OVGP1: variants seen among roughly 807,000 people sequenced by gnomAD.
OVGP1 encodes oviductal glycoprotein 1.
Under a neutral mutation model 48.2 loss-of-function variants are expected in OVGP1, and 26 were observed. That is an observed-to-expected ratio of 0.54 (90% CI 0.40 to 0.75). The LOEUF is 0.75. Among genes scored for constraint, OVGP1 ranks in the 30% least tolerant of loss-of-function variants. OVGP1 has a pLI of 0.00. For missense variants in OVGP1, 791 were observed against 820.6 expected, an observed-to-expected ratio of 0.96 and a Z score of 0.44; for synonymous variants, 294 against 305.7, an observed-to-expected ratio of 0.96 and a Z score of 0.40.
chr1:111,423,087 C>T (rs1349129218), intron 5 of OVGP1, 36 bp from the exon 6 acceptor site: 2 of 1,612,642 alleles, frequency 1.2e-6, no homozygotes, highest in South Asian at 2.2e-5. Flanking sequence ...GAGAACTGGA[C>T]AAACAGAGAG....
chr1:111,426,735 A>C, intron 2 of OVGP1, 94 bp from the exon 3 acceptor site: 1 of 1,553,654 alleles, frequency 6.4e-7, no homozygotes, highest in Non-Finnish European at 8.7e-7. Context: ...CCAAGAGACC[A>C]GGCCACATTT....
intron 6 of OVGP1, among the ~76,000 whole-genome samples, chr1:111,421,903 T>C (rs1557783840): frequency 6.6e-6 from 1 of 152,144 alleles, no homozygotes; most frequent in Non-Finnish European, 1.5e-5. Flanking sequence ...CCTGTGGAGG[T>C]AGGCAGGAGT....
In OVGP1 at chr1:111,422,961, C is replaced by G. The variant is rs772291987; in HGVS notation, c.574G>C (p.Val192Leu). ...AAGCGCACATCATAGGATGTTTGGACGATGTGTGGGACCCCAGAAACAGCA... is the reference window on the plus strand; with the variant it reads ...AAGCGCACATCATAGGATGTTTGGAGGATGTGTGGGACCCCAGAAACAGCA... ...SAAVSGVPHI[V>L]QTSYDVRFLG... The change falls in exon 6 of 11, where the codon GTC (valine) becomes CTC (leucine). Residue 192 changes from valine (V) to leucine (L), a missense_variant. Coordinates refer to ENST00000369732, the MANE Select transcript of OVGP1 (RefSeq NM_002557.4). 6.2e-7 allele frequency: 1 copy of G among 1,614,136 alleles called. No individual in the cohort carries two copies. Among genetic ancestry groups the G allele is most frequent in the East Asian group, 2.2e-5 (1 of 44,888 alleles).
At chr1:111,421,200 CCCCT>C in intron 8 of OVGP1, 72 bp downstream of exon 8, 1 of 1,381,490 alleles carries the variant, frequency 7.2e-7, no homozygotes, top group African/African-American at 1.4e-5. Context: ...CTTGCCATTG[CCCCT>C]TGTCCTGGCC....
intron 10 of OVGP1, 107 bp downstream of exon 10, chr1:111,416,216 C>T (rs923437205): frequency 8.1e-7 from 1 of 1,236,760 alleles, no homozygotes; most frequent in Non-Finnish European, 1.1e-6. Flanking sequence ...TTTCTCTCCC[C>T]TCAATGTCAT....
intron 4 of OVGP1, among the ~76,000 whole-genome samples, chr1:111,424,253 G>C (rs1652345182): frequency 6.6e-6 from 1 of 152,210 alleles, no homozygotes; most frequent in Admixed American, 6.5e-5. Flanking sequence ...CTGATAACGG[G>C]ATCCTGATCC....
intron 4 of OVGP1, 96 bp from the exon 5 acceptor site, chr1:111,423,804 G>A: frequency 1.3e-5 from 15 of 1,170,992 alleles, no homozygotes; most frequent in Non-Finnish European, 1.6e-5. Flanking sequence ...TGGTGGGCCT[G>A]GCAGATGTGG....
intron 9 of OVGP1, among the ~76,000 whole-genome samples, chr1:111,417,361 T>A (rs4838910): frequency 2.0e-5 from 3 of 152,048 alleles, no homozygotes; most frequent in Admixed American, 2.0e-4. Flanking sequence ...TACAACTAAA[T>A]GGCAGAGCTT....
chr1:111,423,495 T>C (rs777906603), intron 5 of OVGP1, 48 bp downstream of exon 5: 13 of 1,593,754 alleles, frequency 8.2e-6, no homozygotes, highest in Middle Eastern at 3.3e-4. Context: ...CCTAGATATA[T>C]AAAAGTAGAA....
chr1:111,415,845 G>T (rs1265356418), intron 10 of OVGP1, among the ~76,000 whole-genome samples: 1 of 152,130 alleles, frequency 6.6e-6, no homozygotes, highest in East Asian at 1.9e-4. Context: ...ACCTGACTGA[G>T]CTCCAGTCGC....
intron 9 of OVGP1, among the ~76,000 whole-genome samples, chr1:111,419,291 T>C (rs1652204907): frequency 6.6e-6 from 1 of 152,188 alleles, no homozygotes; most frequent in Non-Finnish European, 1.5e-5. Context: ...CTACTTTGTG[T>C]TGGTATTTAT....
Position 111,419,738 on chromosome 1 carries a change from AC to A in OVGP1, c.904-13del. 1 of 1,537,070 alleles carries A rather than the reference AC, an allele frequency of 6.5e-7. No individual in the cohort carries two copies. The highest frequency in any genetic ancestry group is 9.0e-7 in the Non-Finnish European group (1 of 1,111,242). On this transcript the variant is annotated splice_polypyrimidine_tract_variant and intron_variant, in intron 8 of 10. Transcript: ENST00000369732. ...ACAAAGGAACAAATCTGCCAAGAGGACCACCAGGTTAGTTCTGGGAAGTGCC... is the reference window on the plus strand; with the variant it reads ...ACAAAGGAACAAATCTGCCAAGAGGACACCAGGTTAGTTCTGGGAAGTGCC...
At chr1:111,418,191 C>T (rs1652180112) in intron 9 of OVGP1, among the ~76,000 whole-genome samples, 2 of 152,194 alleles carry the variant, frequency 1.3e-5, no homozygotes, top group Admixed American at 6.5e-5. Context: ...TGTCTCCTCA[C>T]CTAGTTCTGC....
chr1:111,416,402 C>CATGTCCA lies in OVGP1; in HGVS notation c.1070_1076dup (p.Met359IlefsTer5). On this transcript the variant is annotated frameshift_variant, in exon 10 of 11. Transcript: ENST00000369732. LOFTEE classifies it high-confidence loss of function. ...CACAGAACGTGCCCCTGACGTCATC[C>CATGTCCA]ATGTCCAATGTCCACACCATGGCCC... The CATGTCCA allele has an allele frequency of 6.2e-7, 1 of 1,609,198 alleles. No individual in the cohort carries two copies. Among genetic ancestry groups the CATGTCCA allele is most frequent in the South Asian group, 1.1e-5 (1 of 89,404 alleles).
At chr1:111,425,573 G>C (rs1415611828) in intron 3 of OVGP1, 134 bp from the exon 4 acceptor site, 1 of 1,462,896 alleles carries the variant, frequency 6.8e-7, no homozygotes, top group Non-Finnish European at 9.2e-7. Flanking sequence ...GGAAAAGGGG[G>C]AAGGTGATAG....
At chr1:111,419,847 G>A in intron 8 of OVGP1, 121 bp from the exon 9 acceptor site, 3 of 673,354 alleles carry the variant, frequency 4.5e-6, no homozygotes, top group East Asian at 2.5e-5. Context: ...TGAGAAGAAG[G>A]TAAACCAAAG....
In OVGP1 at chr1:111,414,562, C is replaced by T. The variant is rs1272352919; in HGVS notation, c.1939G>A (p.Gly647Arg). ...ACTGAGTTGACAGAGGAATGGTTTC[C>T]ATAGATGGGAACAAAGCGGTTGTCA... ...AFDNRFVPIY[G>R]NHSSVNSVTP... is the part of the protein sequence containing the mutation. Residue 647 changes from glycine (G) to arginine (R), a missense_variant, in exon 11 of 11, where the codon GGA becomes AGA. Coordinates refer to ENST00000369732, the MANE Select transcript of OVGP1 (RefSeq NM_002557.4). The T allele has an allele frequency of 1.2e-6, 2 of 1,613,940 alleles. No homozygotes were observed. Among genetic ancestry groups the T allele is most frequent in the East Asian group, 4.5e-5 (2 of 44,892 alleles).
chr1:111,423,550 AAGAAG>A lies in OVGP1; in HGVS notation c.471_475del (p.Phe158AsnfsTer2), dbSNP rs769720124. 9 of 1,613,800 alleles carry A rather than the reference AAGAAG, an allele frequency of 5.6e-6. No individual in the cohort carries two copies. In the East Asian group the frequency reaches 1.3e-4, roughly 24 times the overall value. On this transcript the variant is annotated frameshift_variant, in exon 5 of 11. Coordinates refer to ENST00000369732, the MANE Select transcript of OVGP1 (RefSeq NM_002557.4). LOFTEE classifies it high-confidence loss of function. Reference sequence around the variant, plus strand: ...CTTCTAGACCAGACTTACTTCAATTAAGAAGAGAAAAGTCCACCGGTCATGCATGG... The same window carrying A: ...CTTCTAGACCAGACTTACTTCAATTAAGAAAAGTCCACCGGTCATGCATGG...
intron 2 of OVGP1, 191 bp from the exon 3 acceptor site, chr1:111,426,832 A>T: frequency 6.5e-7 from 1 of 1,547,730 alleles, no homozygotes; most frequent in African/African-American, 1.4e-5. Flanking sequence ...CTCAGGAAGA[A>T]AACAATGCCT....
Sources: gnomAD v4.1 joint callset for allele counts (sites outside exome capture counted in the v4.1 genomes callset) on GRCh38, gnomAD v4.1.1 for gene constraint, MANE v1.5 for transcripts, NCBI Gene and HGNC (gene_info 2026-07-23, HGNC 2026-07-21) for gene names.